Variants in GTF3C2 observed in about 807,000 individuals in gnomAD.
GTF3C2 encodes the protein general transcription factor IIIC subunit 2, also known as general transcription factor 3C polypeptide 2.
Under a neutral mutation model 117.4 loss-of-function variants are expected in GTF3C2, and 17 were observed. That is an observed-to-expected ratio of 0.14 (90% CI 0.10 to 0.22). The LOEUF is 0.22. Among genes scored for constraint, GTF3C2 ranks in the 10% least tolerant of loss-of-function variants. The pLI is 1.00. For missense variants in GTF3C2, 888 were observed against 1,143.6 expected (o/e 0.78, Z 3.22); for synonymous variants, 437 against 427.0 (o/e 1.02, Z -0.29).
chr2:27,355,553 C>T (rs1298037073), intron 1 of GTF3C2, among the ~76,000 whole-genome samples: 2 of 151,866 alleles, frequency 1.3e-5, no homozygotes, highest in African/African-American at 4.8e-5. Flanking sequence ...TCATGGAAGG[C>T]AGCAGCAGGA....
At chr2:27,352,727 T>C (rs1326518120) in intron 1 of GTF3C2, among the ~76,000 whole-genome samples, 1 of 152,222 alleles carries the variant, frequency 6.6e-6, no homozygotes, top group Non-Finnish European at 1.5e-5. Context: ...TATTTTAATT[T>C]CCCTGCATCA....
intron 1 of GTF3C2, chr2:27,350,449 AG>A (rs763473646): frequency 2.3e-4 from 231 of 985,506 alleles, no homozygotes; most frequent in Non-Finnish European, 2.7e-4. Context: ...AACAGTTGGT[AG>A]GAACAAGTGC....
chr2:27,332,042 G>A (rs796179017), intron 12 of GTF3C2, among the ~76,000 whole-genome samples: 46 of 152,204 alleles, frequency 3.0e-4, no homozygotes, highest in African/African-American at 1.0e-3. Context: ...AACTAGTGTC[G>A]CTTATAGTGA....
At position 27,335,708 on chromosome 2, in the gene GTF3C2, TA is replaced by T; in HGVS notation, c.1468-3del. 1.3e-6 allele frequency: 2 copies of T among 1,548,152 alleles called. No individual in the cohort carries two copies. The highest frequency in any genetic ancestry group is 1.8e-6 in the Non-Finnish European group (2 of 1,141,458). On this transcript the variant is annotated splice_polypyrimidine_tract_variant and splice_region_variant and intron_variant, in intron 9 of 18. Transcript: ENST00000264720. ...ACCCAACCGGGGCAGGAGAGGAGCC[TA>T]AAGGGTAAAAGGTATGCTGAGGCTT...
At chr2:27,341,072 C>G (rs557124338) in intron 4 of GTF3C2, among the ~76,000 whole-genome samples, 32 of 151,390 alleles carry the variant, frequency 2.1e-4, no homozygotes, top group Non-Finnish European at 4.3e-4. Flanking sequence ...GTCTCACTGT[C>G]TCACCCAGGC....
At chr2:27,344,736 C>G (rs1438395452) in intron 1 of GTF3C2, among the ~76,000 whole-genome samples, 3 of 152,110 alleles carry the variant, frequency 2.0e-5, no homozygotes, top group Non-Finnish European at 1.5e-5. Context: ...GTAATTCCAA[C>G]ACTTTGAGAG....
chr2:27,342,266 A>G (rs2148306199), intron 3 of GTF3C2, 33 bp from the exon 4 acceptor site: 1 of 1,558,812 alleles, frequency 6.4e-7, no homozygotes, highest in East Asian at 2.3e-5. Context: ...AGCCATTCTC[A>G]CATATGACTG....
At chr2:27,348,203 GTTGCAGTGAGCCAAGATAGTGCCA>G in intron 1 of GTF3C2, among the ~76,000 whole-genome samples, 1 of 151,642 alleles carries the variant, frequency 6.6e-6, no homozygotes. Context: ...GGAGGCAGAG[GTTGCAGTGAGCCAAGATAGTGCCA>G]TTGCACTCCA....
chr2:27,350,865 C>T (rs1279410921), intron 1 of GTF3C2, among the ~76,000 whole-genome samples: 1 of 150,616 alleles, frequency 6.6e-6, no homozygotes, highest in Non-Finnish European at 1.5e-5. Context: ...AGGAGAATCG[C>T]TTGAATACAG....
rs537442732 is a variant in GTF3C2, at chr2:27,329,990, C to T, written c.1733-467G>A. On this transcript the variant is annotated intron_variant, in intron 12 of 18. Transcript: ENST00000264720. The surrounding 1 kb of genome is among the most constrained non-coding windows in gnomAD (Gnocchi z 4.5). ...TGAAACCCCGTCTCTACTAAAAATA[C>T]AAAAAATTGGCCAGATGTGGTGGTG... Among the ~76,000 whole-genome samples, 90 of 151,202 alleles carry T rather than the reference C, an allele frequency of 6.0e-4. No homozygotes were observed. In the South Asian group the frequency reaches 0.017, roughly 29 times the overall value.
In GTF3C2 at chr2:27,336,564, G is replaced by A. The variant is rs566524124; in HGVS notation, c.1128-139C>T. On this transcript the variant is annotated intron_variant, in intron 7 of 18. Transcript: ENST00000264720. ...CAAAAACAGTTTACAAGTGAGAACA[G>A]AGTCCTTGGCTTCCACTTGTATCTT... is the stretch of plus-strand genomic sequence containing the variant. 8 of 607,430 alleles carry A rather than the reference G, an allele frequency of 1.3e-5. No homozygotes were observed. In the South Asian group the frequency reaches 1.5e-4, roughly 11 times the overall value. The allele number at this position is 607,430 out of a possible 1,614,324, so 37.6% of individuals were successfully genotyped here. A position where few individuals can be genotyped will look rare whatever the true frequency, so the allele number is the denominator to read the frequency against.
At chr2:27,334,072 C>T in intron 10 of GTF3C2, 73 bp from the exon 11 acceptor site, 2 of 1,126,478 alleles carry the variant, frequency 1.8e-6, no homozygotes, top group Non-Finnish European at 2.7e-6. Context: ...GTCACCCAGG[C>T]CCGAGTGCAG....
chr2:27,356,181 A>G (rs752849430), intron 1 of GTF3C2: 7 of 951,526 alleles, frequency 7.4e-6, no homozygotes, highest in Non-Finnish European at 1.0e-5. Flanking sequence ...CCACGGGACA[A>G]AAGGACTAGA....
intron 1 of GTF3C2, among the ~76,000 whole-genome samples, chr2:27,345,522 G>A (rs1680886319): frequency 6.6e-6 from 1 of 151,564 alleles, no homozygotes; most frequent in Non-Finnish European, 1.5e-5. Context: ...GAACCCGTGG[G>A]GTGGAGGTTG....
At chr2:27,328,557 C>T in exon 16 of GTF3C2, 2 of 1,610,142 alleles carry the variant, frequency 1.2e-6, no homozygotes, top group Non-Finnish European at 1.7e-6. Flanking sequence ...GATATATCTC[C>T]TGCAGCTATT....
intron 12 of GTF3C2, among the ~76,000 whole-genome samples, chr2:27,330,792 C>T (rs1680249524): frequency 6.6e-6 from 1 of 152,184 alleles, no homozygotes; most frequent in African/African-American, 2.4e-5. Flanking sequence ...GAAATCTCAT[C>T]TCTACTAAAA....
At chr2:27,340,340 C>T (rs1558618664) in intron 4 of GTF3C2, 1 of 152,088 alleles carries the variant, frequency 6.6e-6, no homozygotes, top group African/African-American at 2.4e-5. Flanking sequence ...AAGTGATTCT[C>T]CTGCCTCAGC....
chr2:27,336,498 C>A, intron 7 of GTF3C2, 73 bp from the exon 8 acceptor site: 1 of 878,636 alleles, frequency 1.1e-6, no homozygotes, highest in Non-Finnish European at 1.9e-6. Context: ...GGCGCTCCAC[C>A]CAGAGCCAGT....
At chr2:27,328,583 G>T in exon 16 of GTF3C2, 1 of 1,611,120 alleles carries the variant, frequency 6.2e-7, no homozygotes, top group South Asian at 1.1e-5. Flanking sequence ...AAGCCAGTCG[G>T]ATCCTGAAAG....
Sources: allele counts gnomAD v4.1 joint callset (sites outside exome capture counted in the v4.1 genomes callset), GRCh38; gene constraint gnomAD v4.1.1; non-coding constraint Gnocchi (gnomAD v3.1); transcripts MANE v1.5; gene names NCBI Gene and HGNC (gene_info 2026-07-23, HGNC 2026-07-21).